Variants in KCNH8 observed in about 807,000 individuals in gnomAD.
KCNH8 encodes the protein potassium voltage-gated channel subfamily H member 8.
Under a neutral mutation model 103.6 loss-of-function variants are expected in KCNH8, and 70 were observed. That is an observed-to-expected ratio of 0.68 (90% CI 0.56 to 0.82). The LOEUF is 0.82. KCNH8 is among the 40% of genes least tolerant of loss of function. The probability of loss-of-function intolerance (pLI) is 0.00; values close to 1 mark genes in which losing one functional copy is unlikely to be tolerated. For missense variants in KCNH8, 1,217 were observed against 1,329.9 expected (o/e 0.92, Z 1.32); for synonymous variants, 498 against 489.4 (o/e 1.02, Z -0.23).
At chr3:19,462,010 A>G (rs908250642) in intron 11 of KCNH8, among the ~76,000 whole-genome samples, 2 of 152,124 alleles carry the variant, frequency 1.3e-5, no homozygotes, top group Non-Finnish European at 2.9e-5. Context: ...CATGGTGTAT[A>G]TGTGCCACAT....
At chr3:19,356,378 A>T (rs894795727) in intron 5 of KCNH8, among the ~76,000 whole-genome samples, 1 of 151,966 alleles carries the variant, frequency 6.6e-6, no homozygotes, top group African/African-American at 2.4e-5. Flanking sequence ...ACTCAAAAAC[A>T]TTCTTCCCAT....
intron 1 of KCNH8, among the ~76,000 whole-genome samples, chr3:19,234,345 G>C (rs1008769574): frequency 6.6e-5 from 10 of 152,206 alleles, no homozygotes; most frequent in Non-Finnish European, 1.5e-4. Flanking sequence ...GGCGCCGCTC[G>C]TGGGGAGGCT....
intron 5 of KCNH8, among the ~76,000 whole-genome samples, chr3:19,371,510 G>T (rs2066095206): frequency 6.8e-6 from 1 of 147,794 alleles, no homozygotes; most frequent in African/African-American, 2.5e-5. Context: ...CTGGATATTA[G>T]CCCTTTGTCA....
intron 11 of KCNH8, among the ~76,000 whole-genome samples, chr3:19,509,449 A>G (rs1198168666): frequency 6.6e-6 from 1 of 152,202 alleles, no homozygotes; most frequent in Non-Finnish European, 1.5e-5. Flanking sequence ...AGTGTATTTG[A>G]GCAAAAAACA....
chr3:19,382,711 C>T (rs1455563721), intron 5 of KCNH8, among the ~76,000 whole-genome samples: 1 of 152,086 alleles, frequency 6.6e-6, no homozygotes, highest in African/African-American at 2.4e-5. Context: ...ACCCAGTGAT[C>T]CACAACCTAG....
At chr3:19,228,692 AT>A (rs2063959928) in intron 1 of KCNH8, among the ~76,000 whole-genome samples, 1 of 152,248 alleles carries the variant, frequency 6.6e-6, no homozygotes, top group South Asian at 2.1e-4. Flanking sequence ...TCACCAATAT[AT>A]TTAGCTAATT....
At chr3:19,172,152 G>C (rs1435060709) in intron 1 of KCNH8, among the ~76,000 whole-genome samples, 3 of 152,086 alleles carry the variant, frequency 2.0e-5, no homozygotes, top group Non-Finnish European at 4.4e-5. Context: ...TAACAAAAGA[G>C]CAAATATTAT....
intron 5 of KCNH8, among the ~76,000 whole-genome samples, chr3:19,360,261 A>T (rs1434231713): frequency 6.6e-6 from 1 of 152,100 alleles, no homozygotes; most frequent in Non-Finnish European, 1.5e-5. Flanking sequence ...CAGGAGCAAA[A>T]TAATGGAAAC....
At chr3:19,400,295 A>G (rs986750502) in intron 7 of KCNH8, among the ~76,000 whole-genome samples, 4 of 150,426 alleles carry the variant, frequency 2.7e-5, no homozygotes, top group African/African-American at 9.8e-5. Flanking sequence ...AATATGGAGA[A>G]GTGGTATTTT....
chr3:19,493,848 T>C (rs1303888832), intron 11 of KCNH8, among the ~76,000 whole-genome samples: 3 of 152,042 alleles, frequency 2.0e-5, no homozygotes, highest in Non-Finnish European at 4.4e-5. Context: ...ATATAGATTG[T>C]TTTATTATAA....
At chr3:19,190,928 T>C (rs1475204848) in intron 1 of KCNH8, among the ~76,000 whole-genome samples, 1 of 151,934 alleles carries the variant, frequency 6.6e-6, no homozygotes, top group African/African-American at 2.4e-5. Context: ...GAAATGAACA[T>C]ATGTAATACT....
chr3:19,457,932 A>G (rs772333043), intron 11 of KCNH8, among the ~76,000 whole-genome samples: 2 of 152,004 alleles, frequency 1.3e-5, no homozygotes, highest in African/African-American at 2.4e-5. Context: ...CAAGATGACC[A>G]GTTTTGCATA....
intron 11 of KCNH8, among the ~76,000 whole-genome samples, chr3:19,477,332 A>C (rs1252304739): frequency 6.6e-6 from 1 of 152,146 alleles, no homozygotes; most frequent in Non-Finnish European, 1.5e-5. Context: ...TATATCAATA[A>C]AGTATAATTA....
chr3:19,320,234 T>C (rs1238898180), intron 3 of KCNH8, among the ~76,000 whole-genome samples: 1 of 152,004 alleles, frequency 6.6e-6, no homozygotes, highest in Admixed American at 6.6e-5. Context: ...CCTGTCTTGA[T>C]TCAGTTCTCA....
chr3:19,351,699 C>G (rs904609920), intron 5 of KCNH8, among the ~76,000 whole-genome samples: 2 of 152,072 alleles, frequency 1.3e-5, no homozygotes, highest in African/African-American at 4.8e-5. Context: ...AGATTTTTGT[C>G]ACCACCAGGC....
intron 11 of KCNH8, among the ~76,000 whole-genome samples, chr3:19,488,960 T>C (rs1449319419): frequency 6.6e-6 from 1 of 152,162 alleles, no homozygotes; most frequent in Non-Finnish European, 1.5e-5. Flanking sequence ...AGGTGGAGTA[T>C]TATTTTTCCA....
chr3:19,162,141 A>G (rs1163213773), intron 1 of KCNH8, among the ~76,000 whole-genome samples: 1 of 152,192 alleles, frequency 6.6e-6, no homozygotes, highest in Non-Finnish European at 1.5e-5. Context: ...ACAAAACACT[A>G]AAAACTTCAT....
intron 1 of KCNH8, among the ~76,000 whole-genome samples, chr3:19,165,784 G>A (rs936088536): frequency 1.3e-5 from 2 of 152,160 alleles, no homozygotes; most frequent in South Asian, 4.1e-4. Context: ...GTTGGGCTTA[G>A]CTGGGTTGCT....
intron 1 of KCNH8, among the ~76,000 whole-genome samples, chr3:19,180,005 A>T (rs560073970): frequency 6.6e-6 from 1 of 152,140 alleles, no homozygotes; most frequent in African/African-American, 2.4e-5. Context: ...TACATAGGAA[A>T]AACTGAGAAG....
Sources: gnomAD v4.1 joint callset for allele counts (sites outside exome capture counted in the v4.1 genomes callset) on GRCh38, gnomAD v4.1.1 for gene constraint, MANE v1.5 for transcripts, NCBI Gene and HGNC (gene_info 2026-07-23, HGNC 2026-07-21) for gene names.